MRPL52: variants seen among roughly 807,000 people sequenced by gnomAD.
MRPL52 encodes mitochondrial ribosomal protein L52.
Under a neutral mutation model 22.1 loss-of-function variants are expected in MRPL52, and 19 were observed. That is an observed-to-expected ratio of 0.86 (90% CI 0.60 to 1.26). The LOEUF is 1.26. Among genes scored for constraint, MRPL52 ranks in the 50% most tolerant of loss-of-function variants. The pLI, the probability that MRPL52 is intolerant of heterozygous loss-of-function variation, is 0.00. For synonymous variants in MRPL52, 50 were observed against 57.5 expected, an observed-to-expected ratio of 0.87 and a Z score of 0.59; for missense variants, 152 against 148.1, an observed-to-expected ratio of 1.03 and a Z score of -0.14.
At position 22,834,440 on chromosome 14, in the gene MRPL52, C is replaced by T; in HGVS notation, c.*119C>T. On this transcript the variant is annotated 3_prime_UTR_variant, in exon 5 of 5. Coordinates refer to ENST00000397496, the MANE Select transcript of MRPL52 (RefSeq NM_180982.3). The stretch of plus-strand genomic sequence containing the variant: ...CCCATCTGTCTTCAGAGAAAAAGAG[C>T]TGGGACACCAAGAACAAGCTGTTAG... 1 of 1,151,168 alleles carries T rather than the reference C, an allele frequency of 8.7e-7. No homozygotes were observed. Among genetic ancestry groups the T allele is most frequent in the Admixed American group, 2.9e-5 (1 of 34,908 alleles). 71.3% of individuals were successfully genotyped at this position (1,151,168 alleles called of 1,614,324 possible).
chr14:22,830,684 T>A (rs941860700), intron 3 of MRPL52: 1 of 394,038 alleles, frequency 2.5e-6, no homozygotes, highest in Admixed American at 4.2e-5. Flanking sequence ...AGACTATGGA[T>A]GGCAGGCTCC....
At chr14:22,830,918 A>G in intron 3 of MRPL52, 1 of 1,346,740 alleles carries the variant, frequency 7.4e-7, no homozygotes, top group Non-Finnish European at 1.0e-6. Context: ...GTCCTCCTTG[A>G]CAACACAGAG....
At chr14:22,833,163 C>A in intron 3 of MRPL52, 1 of 331,696 alleles carries the variant, frequency 3.0e-6, no homozygotes, top group South Asian at 3.6e-5. Context: ...GGCAACAGAG[C>A]GAGACTGTCT....
intron 3 of MRPL52, among the ~76,000 whole-genome samples, chr14:22,832,631 C>T (rs1345764670): frequency 3.9e-5 from 6 of 152,058 alleles, no homozygotes; most frequent in African/African-American, 9.7e-5. Flanking sequence ...TGAGCCACCA[C>T]GCCTGGCCAA....
rs766611799 is a variant in MRPL52, at chr14:22,830,128, G to T, written c.86+18G>T. On this transcript the variant is annotated intron_variant, in intron 2 of 4. Transcript: ENST00000397496. ...CGACTACAGTGAGTCCTGGGATGAGGGCACCTGGGGGACCAGAAGCTGGGC... is the reference window on the plus strand; with the variant it reads ...CGACTACAGTGAGTCCTGGGATGAGTGCACCTGGGGGACCAGAAGCTGGGC... The T allele has an allele frequency of 8.7e-6, 14 of 1,614,098 alleles. No individual in the cohort carries two copies. The South Asian group carries it at 1.5e-4, about 18-fold the overall frequency.
intron 3 of MRPL52, among the ~76,000 whole-genome samples, chr14:22,832,613 C>T (rs1043651436): frequency 2.0e-5 from 3 of 151,954 alleles, no homozygotes; most frequent in Admixed American, 6.6e-5. Context: ...GTGCTGGGAT[C>T]ACAGGTGTGA....
Position 22,834,885 on chromosome 14 carries a change from G to A in MRPL52, c.*564G>A, listed in dbSNP as rs3751488. 0.19 allele frequency: 29,211 copies of A among 152,214 alleles called. 3,193 individuals are homozygous for A. The highest frequency in any genetic ancestry group is 0.36 in the East Asian group (1,848 of 5,154). 9.4% of individuals were successfully genotyped at this position (152,214 alleles called of 1,614,324 possible). The stretch of plus-strand genomic sequence containing the variant: ...AAATTTACCTCCTTTGCAGGCCATA[G>A]GACTAGCCCAACTATGAGAAATAGC... On this transcript the variant is annotated 3_prime_UTR_variant, in exon 5 of 5. Coordinates refer to ENST00000397496, the MANE Select transcript of MRPL52 (RefSeq NM_180982.3).
At position 22,830,100 on chromosome 14, in the gene MRPL52, T is replaced by C. The variant is rs761460396; in HGVS notation, c.76T>C (p.Trp26Arg). 1.2e-6 allele frequency: 2 copies of C among 1,614,196 alleles called. No homozygotes were observed. Among genetic ancestry groups the C allele is most frequent in the Non-Finnish European group, 1.7e-6 (2 of 1,180,010 alleles). ...CSVAAWAGGQ[W>R]RLQQGLAANP... Reference sequence around the variant, plus strand: ...CGTAGCCGCTTGGGCGGGCGGCCAGTGGCGACTACAGTGAGTCCTGGGATG... The same window carrying C: ...CGTAGCCGCTTGGGCGGGCGGCCAGCGGCGACTACAGTGAGTCCTGGGATG... The change falls in exon 2 of 5, where the codon TGG becomes CGG. Residue 26 changes from tryptophan (W) to arginine (R), a missense_variant. Trp to Arg is a moderately radical substitution (Grantham distance 101). Transcript: ENST00000397496.
chr14:22,831,403 C>G, intron 3 of MRPL52: 1 of 174,200 alleles, frequency 5.7e-6, no homozygotes, highest in Non-Finnish European at 1.2e-5. Flanking sequence ...CATGAGCCAC[C>G]ACGCCCAGCC....
chr14:22,831,106 CTTTTTTTTT>C (rs36143447), intron 3 of MRPL52: 80 of 167,590 alleles, frequency 4.8e-4, no homozygotes, highest in African/African-American at 2.8e-3. Flanking sequence ...CATATGACTG[CTTTTTTTTT>C]TTTTTTTTTT....
Position 22,834,346 on chromosome 14 carries a change from C to T in MRPL52, c.*25C>T. ...AAAAGCAACTCCTGCCTCCCTTCCT[C>T]ACCCTGTCTCTGGATTTCTTTTCTA... On this transcript the variant is annotated 3_prime_UTR_variant, in exon 5 of 5. Transcript: ENST00000397496. The T allele has an allele frequency of 1.3e-6, 2 of 1,594,456 alleles. No individual in the cohort carries two copies. Among genetic ancestry groups the T allele is most frequent in the African/African-American group, 1.4e-5 (1 of 73,814 alleles).
At chr14:22,831,106 C>CTTTTTTTTTTGTTTTTT (rs2039604177) in intron 3 of MRPL52, 1 of 140,982 alleles carries the variant, frequency 7.1e-6, no homozygotes, top group South Asian at 5.4e-5. Context: ...CATATGACTG[C>CTTTTTTTTTTGTTTTTT]TTTTTTTTTT....
intron 3 of MRPL52, chr14:22,831,094 T>C: frequency 1.7e-6 from 1 of 597,044 alleles, no homozygotes; most frequent in Non-Finnish European, 2.9e-6. Flanking sequence ...ACTCTGGAAT[T>C]ACATATGACT....
chr14:22,831,244 G>A (rs1357178826), intron 3 of MRPL52: 1 of 489,532 alleles, frequency 2.0e-6, no homozygotes, highest in African/African-American at 2.1e-5. Context: ...CCCCAAGTAG[G>A]TGGGACCACA....
At chr14:22,830,031 C>A (rs1270102063) in intron 1 of MRPL52, 22 bp from the exon 2 acceptor site, 1 of 1,613,986 alleles carries the variant, frequency 6.2e-7, no homozygotes, top group Non-Finnish European at 8.5e-7. Context: ...TCTCCCCCAA[C>A]TCTGCTCTGT....
At chr14:22,831,059 T>TGTAGTAGTATG in intron 3 of MRPL52, 1 of 1,387,810 alleles carries the variant, frequency 7.2e-7, no homozygotes, top group African/African-American at 1.4e-5. Context: ...GGCATCTCCT[T>TGTAGTAGTATG]GTAGTAGTAT....
Position 22,832,879 on chromosome 14 carries a change from CAAAATAA to C in MRPL52, c.155-527_155-521del, listed in dbSNP as rs1344366812. 4.6e-5 allele frequency among the ~76,000 whole-genome samples: 7 copies of C among 150,888 alleles called. No individual in the cohort carries two copies. The East Asian group carries it at 8.0e-4, about 17-fold the overall frequency. On this transcript the variant is annotated intron_variant, in intron 3 of 4. Transcript: ENST00000397496. ...GGGCAACAAGAGCAAAAGTCTGTCTCAAAATAAAAAATAAAAAAGGCCGAGCACGGTG... is the reference window on the plus strand; with the variant it reads ...GGGCAACAAGAGCAAAAGTCTGTCTCAAAATAAAAAAGGCCGAGCACGGTG...
rs56341631 is a variant in MRPL52, at chr14:22,834,847, C to CA, written c.*541dup. 104 of 138,458 alleles carry CA rather than the reference C, an allele frequency of 7.5e-4. No individual in the cohort carries two copies. The highest frequency in any genetic ancestry group is 1.0e-3 in the African/African-American group (38 of 36,754). The allele number at this position is 138,458 out of a possible 1,614,324, so 8.6% of individuals were successfully genotyped here. On this transcript the variant is annotated 3_prime_UTR_variant, in exon 5 of 5. Coordinates refer to ENST00000397496, the MANE Select transcript of MRPL52 (RefSeq NM_180982.3). Reference sequence around the variant, plus strand: ...TGGGCGACAGGGCGAGACTCCGTCTCAAAAAAAAAAAAAAATTTACCTCCT... The same window carrying CA: ...TGGGCGACAGGGCGAGACTCCGTCTCAAAAAAAAAAAAAAAATTTACCTCCT...
At chr14:22,834,125 C>A in intron 4 of MRPL52, 47 bp from the exon 5 acceptor site, 1 of 1,599,932 alleles carries the variant, frequency 6.3e-7, no homozygotes. Flanking sequence ...TATAGTATAG[C>A]GCTGAAGTCC....
Sources: allele counts gnomAD v4.1 joint callset (sites outside exome capture counted in the v4.1 genomes callset), GRCh38; gene constraint gnomAD v4.1.1; transcripts MANE v1.5; gene names NCBI Gene and HGNC (gene_info 2026-07-23, HGNC 2026-07-21).